PCDHGA2: variants seen among roughly 807,000 people sequenced by gnomAD.
The protein encoded by PCDHGA2 is protocadherin gamma-A2.
PCDHGA2 carries 40 observed loss-of-function variants against 59.2 expected under a neutral mutation model. The observed-to-expected ratio is 0.68, with a 90% CI of 0.52 to 0.88. The LOEUF (loss-of-function observed/expected upper bound fraction) is 0.88. PCDHGA2 is among the 40% of genes least tolerant of loss of function. PCDHGA2 has a pLI of 0.00. For synonymous variants in PCDHGA2, 560 were observed against 526.0 expected (o/e 1.06, Z -0.89); for missense variants, 1,226 against 1,204.0 (o/e 1.02, Z -0.27).
At chr5:141,452,954 T>A (rs1315313825) in intron 1 of PCDHGA2, among the ~76,000 whole-genome samples, 5 of 152,220 alleles carry the variant, frequency 3.3e-5, no homozygotes, top group Non-Finnish European at 1.5e-5. Context: ...ATTGGTTGTC[T>A]TTAAACTGAG....
Position 141,339,458 on chromosome 5 carries a change from G to C in PCDHGA2, c.487G>C (p.Gly163Arg), listed in dbSNP as rs190454391. The C allele has an allele frequency of 2.1e-4, 338 of 1,614,212 alleles. 4 individuals carry two copies. In the East Asian group the frequency reaches 4.4e-3, roughly 21 times the overall value. The change falls in exon 1 of 4, where the codon GGT becomes CGT. Residue 163 changes from glycine to arginine, a missense_variant. Physicochemically the swap from Gly to Arg is moderately radical, Grantham distance 125. Transcript: ENST00000394576. The part of the protein sequence containing the change: ...PLKNAHDADV[G>R]ENALQKYALN... ...TAAGAATGCGCATGATGCAGACGTA[G>C]GTGAGAACGCCCTTCAGAAGTACGC...
intron 1 of PCDHGA2, among the ~76,000 whole-genome samples, chr5:141,450,564 G>A (rs1397334260): frequency 2.0e-5 from 3 of 151,932 alleles, no homozygotes; most frequent in African/African-American, 7.3e-5. Context: ...TCGGCTCACT[G>A]CAACTTCTGC....
chr5:141,404,897 C>T, intron 1 of PCDHGA2: 2 of 1,613,920 alleles, frequency 1.2e-6, no homozygotes, highest in Non-Finnish European at 1.7e-6. Flanking sequence ...TGTACAGGAC[C>T]ATGGCCAGCC....
intron 1 of PCDHGA2, chr5:141,427,102 C>T (rs1363595185): frequency 6.6e-6 from 3 of 457,858 alleles, no homozygotes; most frequent in South Asian, 3.1e-5. Flanking sequence ...GGTGTCAATG[C>T]GGAGATCACC....
chr5:141,471,730 G>A (rs535784858), intron 1 of PCDHGA2, among the ~76,000 whole-genome samples: 1 of 152,292 alleles, frequency 6.6e-6, no homozygotes, highest in East Asian at 1.9e-4. Context: ...GGTAAGGAAG[G>A]TTGGAGACAT....
intron 1 of PCDHGA2, chr5:141,351,832 C>A: frequency 1.2e-6 from 2 of 1,613,246 alleles, no homozygotes; most frequent in Non-Finnish European, 1.7e-6. Context: ...TGCGCGCCTT[C>A]GAGCTCACAC....
intron 1 of PCDHGA2, chr5:141,405,107 T>A: frequency 6.2e-7 from 1 of 1,613,998 alleles, no homozygotes; most frequent in African/African-American, 1.3e-5. Flanking sequence ...GCTGAGGCAC[T>A]GGCACTCCTC....
At chr5:141,457,469 AG>A (rs1170841505) in intron 1 of PCDHGA2, among the ~76,000 whole-genome samples, 1 of 152,226 alleles carries the variant, frequency 6.6e-6, no homozygotes, top group Non-Finnish European at 1.5e-5. Context: ...CACAGGAATA[AG>A]CAGGGCCAGG....
intron 1 of PCDHGA2, chr5:141,343,386 G>A (rs1757281775): frequency 2.0e-6 from 2 of 981,786 alleles, no homozygotes; most frequent in African/African-American, 1.8e-5. Flanking sequence ...AGGTCAAAGA[G>A]GAGGTGGATA....
At chr5:141,482,840 G>A (rs1343123459) in intron 1 of PCDHGA2, among the ~76,000 whole-genome samples, 2 of 152,212 alleles carry the variant, frequency 1.3e-5, no homozygotes, top group Admixed American at 6.5e-5. Context: ...GGGAGGCCAA[G>A]GTGGGCAGAT....
At chr5:141,408,917 C>G in intron 1 of PCDHGA2, 1 of 1,613,366 alleles carries the variant, frequency 6.2e-7, no homozygotes, top group South Asian at 1.1e-5. Flanking sequence ...CAATGATAAC[C>G]CCCCGGTTTT....
At chr5:141,419,620 G>A (rs776986192) in intron 1 of PCDHGA2, 9 of 1,612,304 alleles carry the variant, frequency 5.6e-6, no homozygotes, top group Non-Finnish European at 7.6e-6. Context: ...CAGGCTACCT[G>A]GTGACCAAGG....
intron 1 of PCDHGA2, chr5:141,379,257 A>G (rs1561582852): frequency 6.6e-6 from 1 of 152,234 alleles, no homozygotes. Flanking sequence ...TTTACATTTA[A>G]GGAATTGTTA....
chr5:141,382,470 A>G (rs918118556), intron 1 of PCDHGA2, among the ~76,000 whole-genome samples: 1 of 152,234 alleles, frequency 6.6e-6, no homozygotes, highest in African/African-American at 2.4e-5. Flanking sequence ...TTTAAAAATT[A>G]TCTAAGATTA....
At chr5:141,417,997 G>T in intron 1 of PCDHGA2, 1 of 1,613,872 alleles carries the variant, frequency 6.2e-7, no homozygotes, top group Non-Finnish European at 8.5e-7. Context: ...AGGGCTCGGT[G>T]GTGGGGAACC....
chr5:141,472,980 C>CAAAAAAAAAAAAAAAAAAAAAAAAAAAA (rs60579131), intron 1 of PCDHGA2, among the ~76,000 whole-genome samples: 1 of 86,106 alleles, frequency 1.2e-5, no homozygotes, highest in Non-Finnish European at 2.5e-5. Flanking sequence ...GAGTGAAACT[C>CAAAAAAAAAAAAAAAAAAAAAAAAAAAA]AAAAAAAAAA....
At chr5:141,356,754 C>G in intron 1 of PCDHGA2, 3 of 1,613,966 alleles carry the variant, frequency 1.9e-6, no homozygotes, top group Non-Finnish European at 1.7e-6. Context: ...ATGCTCTTTG[C>G]TCCTTCGACT....
intron 1 of PCDHGA2, among the ~76,000 whole-genome samples, chr5:141,450,616 A>G (rs2098687684): frequency 6.6e-6 from 1 of 151,486 alleles, no homozygotes; most frequent in African/African-American, 2.4e-5. Flanking sequence ...CCTCCTGAGT[A>G]GCTGGGATTA....
intron 1 of PCDHGA2, among the ~76,000 whole-genome samples, chr5:141,354,134 A>G (rs1033853247): frequency 1.3e-5 from 2 of 152,252 alleles, no homozygotes; most frequent in Non-Finnish European, 2.9e-5. Flanking sequence ...AAATTGTAAA[A>G]TAATACTGAA....
Sources: gnomAD v4.1 joint callset for allele counts (sites outside exome capture counted in the v4.1 genomes callset) on GRCh38, gnomAD v4.1.1 for gene constraint, MANE v1.5 for transcripts, NCBI Gene and HGNC (gene_info 2026-07-23, HGNC 2026-07-21) for gene names.